The following ADCK5 variants were observed in gnomAD, a reference collection of about 807,000 sequenced individuals.
ADCK5 encodes the protein uncharacterized aarF domain-containing protein kinase 5.
Under a neutral mutation model 64.9 loss-of-function variants are expected in ADCK5, and 43 were observed. The ratio of observed to expected loss-of-function variants is 0.66; its 90% confidence interval spans 0.52 to 0.85. The LOEUF (loss-of-function observed/expected upper bound fraction) is 0.85, where lower values mean the gene tolerates loss of function less well. Among genes scored for constraint, ADCK5 ranks in the 40% least tolerant of loss-of-function variants. The probability of loss-of-function intolerance (pLI) is 0.00; values close to 1 mark genes in which losing one functional copy is unlikely to be tolerated. For missense variants in ADCK5, 760 were observed against 810.5 expected (o/e 0.94, Z 0.76); for synonymous variants, 434 against 342.8 (o/e 1.27, Z -2.94).
intron 1 of ADCK5, chr8:144,375,514 C>T (rs1033916433): frequency 1.3e-5 from 13 of 985,452 alleles, no homozygotes; most frequent in East Asian, 1.1e-4. Context: ...CTGCTGCGGC[C>T]GGGCCTGTCT....
chr8:144,390,729 C>T lies in ADCK5; in HGVS notation c.325C>T (p.Leu109Phe). 1 of 1,613,874 alleles carries T rather than the reference C, an allele frequency of 6.2e-7. No homozygotes were observed. Among genetic ancestry groups the T allele is most frequent in the Middle Eastern group, 1.6e-4 (1 of 6,062 alleles). ...LDYWWCTNVV[L>F]RGVEENSPGY... ...CTACTGGTGGTGCACCAATGTTGTCCTTCGAGGGGTGGAAGAGGTTTGTCC... is the reference window on the plus strand; with the variant it reads ...CTACTGGTGGTGCACCAATGTTGTCTTTCGAGGGGTGGAAGAGGTTTGTCC... Residue 109 changes from leucine to phenylalanine, a missense_variant, in exon 4 of 15, where the codon CTT (leucine) becomes TTT (phenylalanine). Around this residue, in one of 2 missense-constraint regions of ADCK5, gnomAD observed 427 missense variants for 518.4 expected, o/e 0.82. Coordinates refer to ENST00000308860, the MANE Select transcript of ADCK5 (RefSeq NM_174922.5).
At chr8:144,382,532 C>T (rs957356704) in intron 2 of ADCK5, among the ~76,000 whole-genome samples, 1 of 149,740 alleles carries the variant, frequency 6.7e-6, no homozygotes, top group East Asian at 1.9e-4. Flanking sequence ...GTATTGGGCT[C>T]TTGCTGTATT....
chr8:144,379,748 G>A (rs1421115635), intron 2 of ADCK5, among the ~76,000 whole-genome samples: 1 of 152,218 alleles, frequency 6.6e-6, no homozygotes, highest in Non-Finnish European at 1.5e-5. Context: ...GGGTGCACAT[G>A]GAGCGCCTGC....
chr8:144,375,640 G>A, intron 1 of ADCK5: 1 of 985,464 alleles, frequency 1.0e-6, no homozygotes. Context: ...ATACCTGTGT[G>A]AGTGTTACCA....
intron 3 of ADCK5, among the ~76,000 whole-genome samples, chr8:144,388,765 A>G (rs1383222493): frequency 2.8e-5 from 4 of 144,940 alleles, no homozygotes; most frequent in Non-Finnish European, 4.5e-5. Context: ...TCCGTCTCCA[A>G]AAAAAAAAAA....
chr8:144,391,600 C>T lies in ADCK5; in HGVS notation c.819C>T (p.Ala273=). ...WVLQDLKGTL[A]QELDFENEGR... Reference sequence around the variant, plus strand: ...CCCAGGACCTGAAGGGGACCCTGGCCCAGGAGCTGGACTTCGAGAATGAGG... The same window carrying T: ...CCCAGGACCTGAAGGGGACCCTGGCTCAGGAGCTGGACTTCGAGAATGAGG... The change falls in exon 8 of 15, where the codon GCC becomes GCT. Residue 273 remains alanine (A), a synonymous_variant. Transcript: ENST00000308860. 6.3e-7 allele frequency: 1 copy of T among 1,575,268 alleles called. No homozygotes were observed. Among genetic ancestry groups the T allele is most frequent in the Non-Finnish European group, 8.6e-7 (1 of 1,165,840 alleles).
chr8:144,389,787 C>T (rs1378543473), intron 3 of ADCK5, among the ~76,000 whole-genome samples: 1 of 151,936 alleles, frequency 6.6e-6, no homozygotes, highest in Non-Finnish European at 1.5e-5. Context: ...GCCTCGGCCT[C>T]CCAAAGTGCT....
intron 3 of ADCK5, among the ~76,000 whole-genome samples, chr8:144,386,160 G>T (rs1174094022): frequency 6.7e-6 from 1 of 150,320 alleles, no homozygotes; most frequent in East Asian, 2.0e-4. Flanking sequence ...AGGTGTGCGC[G>T]CCACCATGCC....
intron 3 of ADCK5, among the ~76,000 whole-genome samples, chr8:144,383,562 G>C (rs1819775230): frequency 6.6e-6 from 1 of 152,200 alleles, no homozygotes; most frequent in South Asian, 2.1e-4. Flanking sequence ...TCTCCCTCAG[G>C]CTTCTAGGCT....
intron 1 of ADCK5, chr8:144,375,751 A>G (rs782018860): frequency 9.1e-6 from 7 of 769,710 alleles, no homozygotes; most frequent in Non-Finnish European, 9.5e-6. Context: ...CACACTCACC[A>G]TAAGAAAGCA....
chr8:144,377,291 T>TA (rs1172947607), intron 1 of ADCK5: 14 of 152,326 alleles, frequency 9.2e-5, no homozygotes, highest in African/African-American at 3.1e-4. Context: ...GGTGTTTTCA[T>TA]AGTCACAAAA....
rs1307921451 is a variant in ADCK5, at chr8:144,390,704, C to T, written c.300C>T (p.Asp100=). 3.1e-6 allele frequency: 5 copies of T among 1,613,778 alleles called. No individual in the cohort carries two copies. The highest frequency in any genetic ancestry group is 4.2e-6 in the Non-Finnish European group (5 of 1,180,006). ...SLKVGLQISL[D]YWWCTNVVLR... is the part of the protein sequence containing the mutation. ...AGGTCGGCCTGCAGATCTCCCTGGA[C>T]TACTGGTGGTGCACCAATGTTGTCC... The change falls in exon 4 of 15, where the codon GAC becomes GAT. Residue 100 remains aspartate, a synonymous_variant. Coordinates refer to ENST00000308860, the MANE Select transcript of ADCK5 (RefSeq NM_174922.5).
At position 144,392,309 on chromosome 8, in the gene ADCK5, G is replaced by A. The variant is rs1334562446; in HGVS notation, c.1231G>A (p.Ala411Thr). 4.0e-6 allele frequency: 6 copies of A among 1,503,568 alleles called. No individual in the cohort carries two copies. Among genetic ancestry groups the A allele is most frequent in the Middle Eastern group, 2.2e-4 (1 of 4,546 alleles). The allele number at this position is 1,503,568 out of a possible 1,614,324, so 93.1% of individuals were successfully genotyped here. ...WRAIILRDDAAMRAHAAALGV... is the reference protein window; with the variant it reads ...WRAIILRDDATMRAHAAALGV... ...GGCCATCATCCTGCGGGACGACGCC[G>A]CCATGAGGGCGCACGCAGCCGCACT... The change falls in exon 12 of 15, where the codon GCC (alanine) becomes ACC (threonine). Residue 411 changes from alanine (A) to threonine (T), a missense_variant. Around this residue, in one of 2 missense-constraint regions of ADCK5, gnomAD observed 333 missense variants for 292.0 expected, o/e 1.14. Coordinates refer to ENST00000308860, the MANE Select transcript of ADCK5 (RefSeq NM_174922.5).
rs1554858645 is a variant in ADCK5 at position 144,383,165 on chromosome 8, C to T, written c.201C>T (p.Val67=). Residue 67 remains valine, a synonymous_variant, in exon 3 of 15, where the codon GTC becomes GTT. Transcript: ENST00000308860. ...GAPLLLGARY[V]MAEAREKRRM... ...CCCTGCTCCTCGGAGCCCGCTATGT[C>T]ATGGCAGAGGCACGGGAGAAGAGGA... is the stretch of plus-strand genomic sequence containing the variant. The T allele has an allele frequency of 8.1e-6, 13 of 1,599,954 alleles. No individual in the cohort carries two copies. The highest frequency in any genetic ancestry group is 1.1e-5 in the Non-Finnish European group (13 of 1,173,656).
At chr8:144,379,744 A>C (rs1028657021) in intron 2 of ADCK5, among the ~76,000 whole-genome samples, 2 of 152,318 alleles carry the variant, frequency 1.3e-5, no homozygotes, top group South Asian at 4.1e-4. Flanking sequence ...GGAAGGGTGC[A>C]CATGGAGCGC....
intron 3 of ADCK5, among the ~76,000 whole-genome samples, chr8:144,388,638 G>A (rs1481707882): frequency 2.7e-5 from 4 of 150,844 alleles, no homozygotes; most frequent in East Asian, 2.0e-4. Flanking sequence ...GGTGTTGGGC[G>A]CCTGTAGTCC....
At chr8:144,382,752 C>T (rs1164933058) in intron 2 of ADCK5, among the ~76,000 whole-genome samples, 3 of 152,234 alleles carry the variant, frequency 2.0e-5, no homozygotes, top group Admixed American at 1.3e-4. Flanking sequence ...TAGGAGACCA[C>T]GGTCCGTGAG....
chr8:144,380,130 G>C (rs1462459700), intron 2 of ADCK5, among the ~76,000 whole-genome samples: 2 of 151,878 alleles, frequency 1.3e-5, no homozygotes, highest in Middle Eastern at 3.2e-3. Flanking sequence ...CTGCGGCTGG[G>C]TGCAGAAACA....
chr8:144,377,179 G>A (rs1819398915), intron 1 of ADCK5, among the ~76,000 whole-genome samples: 1 of 152,246 alleles, frequency 6.6e-6, no homozygotes. Context: ...TTGGGGAGTT[G>A]TGAGACCTCA....
Sources: gnomAD v4.1 joint callset for allele counts (sites outside exome capture counted in the v4.1 genomes callset) on GRCh38, gnomAD v4.1.1 for gene constraint, gnomAD v4.1.1 regional missense constraint, MANE v1.5 for transcripts, NCBI Gene and HGNC (gene_info 2026-07-23, HGNC 2026-07-21) for gene names.